The following LDLRAD3 variants were observed in gnomAD, a reference collection of about 807,000 sequenced individuals.
LDLRAD3 encodes the protein low density lipoprotein receptor class A domain containing 3.
A neutral mutation model predicts 29.4 loss-of-function variants in LDLRAD3; 20 were observed. That is an observed-to-expected ratio of 0.68 (90% confidence interval 0.48 to 0.99). The LOEUF (loss-of-function observed/expected upper bound fraction) is 0.99, where lower values mean the gene tolerates loss of function less well. LDLRAD3 is among the 50% of genes least tolerant of loss of function. LDLRAD3 has a pLI of 0.00. For missense variants in LDLRAD3, 420 were observed against 454.3 expected (o/e 0.92, Z 0.69); for synonymous variants, 157 against 192.7 (o/e 0.81, Z 1.53).
intron 1 of LDLRAD3, among the ~76,000 whole-genome samples, chr11:36,013,778 G>A (rs1349064017): frequency 9.7e-6 from 1 of 103,320 alleles, no homozygotes; most frequent in Non-Finnish European, 2.2e-5. Flanking sequence ...CCAGGGGAGT[G>A]TGCCTGAGTT....
At chr11:36,174,676 C>T (rs1029741746) in intron 4 of LDLRAD3, among the ~76,000 whole-genome samples, 32 of 152,310 alleles carry the variant, frequency 2.1e-4, no homozygotes, top group African/African-American at 7.2e-4. Flanking sequence ...TACCATCTCA[C>T]ACCAGTTAGA....
chr11:36,007,680 C>T (rs1044930769), intron 1 of LDLRAD3, among the ~76,000 whole-genome samples: 2 of 152,202 alleles, frequency 1.3e-5, no homozygotes, highest in Non-Finnish European at 2.9e-5. Context: ...ATTTTATGAG[C>T]TGCATCAGCC....
At position 36,230,190 on chromosome 11, in the gene LDLRAD3, GC is replaced by G. The variant is rs1342994665; in HGVS notation, c.*796del. On this transcript the variant is annotated 3_prime_UTR_variant, in exon 6 of 6. Transcript: ENST00000315571. The stretch of plus-strand genomic sequence containing the variant: ...TGCAGGCTGCCAAGACCCTACACCT[GC>G]CCTGGCTCTACAGCCACTTACCTGG... 7 of 152,182 alleles carry G rather than the reference GC, an allele frequency of 4.6e-5. No homozygotes were observed. Among genetic ancestry groups the G allele is most frequent in the African/African-American group, 1.7e-4 (7 of 41,438 alleles). 9.4% of individuals were successfully genotyped at this position (152,182 alleles called of 1,614,324 possible). A position where few individuals can be genotyped will look rare whatever the true frequency, so the allele number is the denominator to read the frequency against.
At chr11:35,968,541 G>A in intron 1 of LDLRAD3, 1 of 251,850 alleles carries the variant, frequency 4.0e-6, no homozygotes, top group Non-Finnish European at 8.0e-6. Context: ...GGAGTCCTGG[G>A]CAATGTAAGC....
At chr11:36,086,920 G>A (rs1049972921) in intron 3 of LDLRAD3, among the ~76,000 whole-genome samples, 1 of 152,188 alleles carries the variant, frequency 6.6e-6, no homozygotes, top group Non-Finnish European at 1.5e-5. Flanking sequence ...CAAAAAGACA[G>A]TCGTCTGATG....
chr11:35,981,225 G>T, intron 1 of LDLRAD3, among the ~76,000 whole-genome samples: 1 of 151,952 alleles, frequency 6.6e-6, no homozygotes, highest in Non-Finnish European at 1.5e-5. Flanking sequence ...GGGGGTGGGG[G>T]GGCTGAGTCA....
At chr11:36,065,952 G>A (rs1302107528) in intron 2 of LDLRAD3, among the ~76,000 whole-genome samples, 3 of 152,302 alleles carry the variant, frequency 2.0e-5, no homozygotes, top group Non-Finnish European at 2.9e-5. Flanking sequence ...CCACGGAAGC[G>A]AGGATGTTTG....
At chr11:36,189,347 G>A (rs1049630931) in intron 4 of LDLRAD3, among the ~76,000 whole-genome samples, 27 of 152,206 alleles carry the variant, frequency 1.8e-4, no homozygotes, top group Admixed American at 3.3e-4. Context: ...TTAGCTGGGC[G>A]TGGTGGCACA....
At chr11:36,128,117 C>CATACATATATATATATATATAT (rs1391537319) in intron 4 of LDLRAD3, among the ~76,000 whole-genome samples, 3 of 98,954 alleles carry the variant, frequency 3.0e-5, no homozygotes, top group African/African-American at 3.3e-5. Context: ...GTTGTTTTTA[C>CATACATATATATATATATATAT]ATATATATAT....
intron 2 of LDLRAD3, among the ~76,000 whole-genome samples, chr11:36,037,764 C>A (rs963546484): frequency 7.2e-5 from 11 of 152,186 alleles, no homozygotes; most frequent in Non-Finnish European, 2.9e-5. Flanking sequence ...GGTCCCATAT[C>A]CCCAGTGCCT....
chr11:36,149,094 G>T (rs1376582441), intron 4 of LDLRAD3, among the ~76,000 whole-genome samples: 1 of 152,196 alleles, frequency 6.6e-6, no homozygotes, highest in Admixed American at 6.5e-5. Context: ...TAAGAAGAGG[G>T]ACAGACTCAT....
intron 1 of LDLRAD3, among the ~76,000 whole-genome samples, chr11:35,959,748 C>A (rs1411392990): frequency 6.6e-6 from 1 of 151,930 alleles, no homozygotes; most frequent in East Asian, 1.9e-4. Context: ...ATGGTGAAAC[C>A]CCATCTCTAC....
rs1017277739 is a variant in LDLRAD3 at position 36,191,685 on chromosome 11, A to G, written c.455-35400A>G. ...ACTTAATGTATTTGAATTCGTTGAG[A>G]AGAGATTTATGAATCTGGGAAAGAC... On this transcript the variant is annotated intron_variant, in intron 4 of 5. Coordinates refer to ENST00000315571, the MANE Select transcript of LDLRAD3 (RefSeq NM_174902.4). Among the ~76,000 whole-genome samples the G allele has an allele frequency of 2.6e-5, 4 of 151,052 alleles. No individual in the cohort carries two copies. In the East Asian group the frequency reaches 7.8e-4, roughly 29 times the overall value.
intron 4 of LDLRAD3, among the ~76,000 whole-genome samples, chr11:36,156,184 C>T (rs2422180): frequency 0.33 from 50,186 of 152,058 alleles, 9,228 homozygotes; most frequent in Non-Finnish European, 0.41. Context: ...TCATCAACAG[C>T]TAAGCACCTG....
intron 4 of LDLRAD3, among the ~76,000 whole-genome samples, chr11:36,109,572 A>G (rs552676047): frequency 2.6e-5 from 4 of 152,124 alleles, no homozygotes; most frequent in Non-Finnish European, 5.9e-5. Context: ...TAGTCTGGGT[A>G]ATTGAGAGTA....
intron 4 of LDLRAD3, among the ~76,000 whole-genome samples, chr11:36,173,666 T>C (rs1854630387): frequency 6.6e-6 from 1 of 152,156 alleles, no homozygotes; most frequent in Non-Finnish European, 1.5e-5. Flanking sequence ...TGTGTCTTTA[T>C]AGCAGCATGA....
chr11:36,169,810 T>C (rs1242338771), intron 4 of LDLRAD3, among the ~76,000 whole-genome samples: 1 of 152,218 alleles, frequency 6.6e-6, no homozygotes, highest in Non-Finnish European at 1.5e-5. Context: ...GAATATATCC[T>C]CAGCAGTGAG....
chr11:36,190,264 A>T (rs1349974013), intron 4 of LDLRAD3, among the ~76,000 whole-genome samples: 1 of 152,234 alleles, frequency 6.6e-6, no homozygotes, highest in African/African-American at 2.4e-5. Context: ...TAACTTGAAA[A>T]AGTTGGGATT....
chr11:36,030,079 G>T (rs1476330182), intron 1 of LDLRAD3, among the ~76,000 whole-genome samples: 1 of 152,170 alleles, frequency 6.6e-6, no homozygotes, highest in Non-Finnish European at 1.5e-5. Flanking sequence ...TGGAGGCTGG[G>T]GCTACTGGAA....
Sources: allele counts gnomAD v4.1 joint callset (sites outside exome capture counted in the v4.1 genomes callset), GRCh38; gene constraint gnomAD v4.1.1; transcripts MANE v1.5; gene names NCBI Gene and HGNC (gene_info 2026-07-23, HGNC 2026-07-21).